The following DCAF16 variants were observed in gnomAD, a reference collection of about 807,000 sequenced individuals.
The protein encoded by DCAF16 is DDB1- and CUL4-associated factor 16.
Under a neutral mutation model 17.3 loss-of-function variants are expected in DCAF16, and 10 were observed. The ratio of observed to expected loss-of-function variants is 0.58; its 90% CI spans 0.36 to 0.98. DCAF16 has a LOEUF of 0.98. DCAF16 is among the 50% of genes least tolerant of loss of function. The pLI is 0.01. For missense variants in DCAF16, 249 were observed against 247.6 expected (o/e 1.01, Z -0.04); for synonymous variants, 111 against 92.8 (o/e 1.20, Z -1.12).
chr4:17,798,220 C>T (rs1469310531), downstream of DCAF16, among the ~76,000 whole-genome samples: 2 of 151,784 alleles, frequency 1.3e-5, no homozygotes, highest in East Asian at 3.9e-4. Context: ...TTTTATGATT[C>T]AACTTGAAAC....
chr4:17,796,347 AT>A (rs148186730), downstream of DCAF16, among the ~76,000 whole-genome samples: 3 of 151,840 alleles, frequency 2.0e-5, no homozygotes, highest in African/African-American at 4.8e-5. Context: ...CCTATCGAGT[AT>A]TTTTTGTTTT....
In DCAF16 at chr4:17,802,342, T is replaced by C. The variant is rs1372465231; in HGVS notation, c.*1149A>G. ...GGAAACACATTCCCTACAGAACAGGTGTTTGTTTAATCCCAAGGGATGATC... is the reference window on the plus strand; with the variant it reads ...GGAAACACATTCCCTACAGAACAGGCGTTTGTTTAATCCCAAGGGATGATC... On this transcript the variant is annotated 3_prime_UTR_variant, in exon 3 of 3. Coordinates refer to ENST00000382247, the MANE Select transcript of DCAF16 (RefSeq NM_017741.4). 1 of 152,296 alleles carries C rather than the reference T, an allele frequency of 6.6e-6. No homozygotes were observed. The highest frequency in any genetic ancestry group is 1.5e-5 in the Non-Finnish European group (1 of 67,974). 9.4% of individuals were successfully genotyped at this position (152,296 alleles called of 1,614,324 possible). A position where few individuals can be genotyped will look rare whatever the true frequency, so the allele number is the denominator to read the frequency against.
the DCAF16 span, among the ~76,000 whole-genome samples, chr4:17,794,527 A>C: frequency 6.6e-6 from 1 of 152,228 alleles, no homozygotes; most frequent in South Asian, 2.1e-4. Context: ...TACAGAGGCT[A>C]AAATTTAAAC....
At position 17,800,960 on chromosome 4, in the gene DCAF16, C is replaced by T. The variant is rs1719716941; in HGVS notation, c.*2531G>A. On this transcript the variant is annotated 3_prime_UTR_variant, in exon 3 of 3. Transcript: ENST00000382247. ...TTTCTGATACATTCAGTTACACTAA[C>T]AATATGATATGGTTTCAGGTCAATA... is the stretch of plus-strand genomic sequence containing the variant. 1 of 152,390 alleles carries T rather than the reference C, an allele frequency of 6.6e-6. No individual in the cohort carries two copies. Among genetic ancestry groups the T allele is most frequent in the Admixed American group, 6.6e-5 (1 of 15,266 alleles). The allele number at this position is 152,390 out of a possible 1,614,324, so 9.4% of individuals were successfully genotyped here.
At position 17,803,829 on chromosome 4, in the gene DCAF16, G is replaced by C. The variant is rs1720035129; in HGVS notation, c.313C>G (p.Pro105Ala). The C allele has an allele frequency of 6.2e-7, 1 of 1,614,130 alleles. No individual in the cohort carries two copies. The highest frequency in any genetic ancestry group is 8.5e-7 in the Non-Finnish European group (1 of 1,180,024). Residue 105 changes from proline (P) to alanine (A), a missense_variant, in exon 3 of 3, where the codon CCC becomes GCC. Physicochemically the swap from Pro to Ala is conservative, Grantham distance 27. Coordinates refer to ENST00000382247, the MANE Select transcript of DCAF16 (RefSeq NM_017741.4). Reference protein sequence around the residue: ...LRLSHCSHCVPKLEPIPEWPP... With the variant: ...LRLSHCSHCVAKLEPIPEWPP... ...CATTCAGGAATTGGTTCCAGTTTGG[G>C]GACACAATGGGAACAATGGGAGAGT...
In DCAF16 at chr4:17,804,293, GGCCCATACCACTGT is replaced by G. The variant is rs1434565584; in HGVS notation, c.-166_-153del. On this transcript the variant is annotated 5_prime_UTR_variant, in exon 3 of 3. It removes an upstream start codon present in the reference 5' UTR. Coordinates refer to ENST00000382247, the MANE Select transcript of DCAF16 (RefSeq NM_017741.4). ...CGTTACACACATAAAGTATGCTTGT[GGCCCATACCACTGT>G]GCCGTTCTTCAAGATTATGTTGTAT... 36 of 662,748 alleles carry G rather than the reference GGCCCATACCACTGT, an allele frequency of 5.4e-5. No homozygotes were observed. The Admixed American group carries it at 1.0e-3, about 19-fold the overall frequency. 41.1% of individuals were successfully genotyped at this position (662,748 alleles called of 1,614,324 possible). A position where few individuals can be genotyped will look rare whatever the true frequency, so the allele number is the denominator to read the frequency against.
chr4:17,799,428 T>C (rs1353169316), downstream of DCAF16, among the ~76,000 whole-genome samples: 1 of 152,242 alleles, frequency 6.6e-6, no homozygotes, highest in Admixed American at 6.5e-5. Flanking sequence ...AGTTTTGCAT[T>C]CCCAGTGTCT....
rs1720820597 is a variant in DCAF16 at position 17,810,548 on chromosome 4, C to A, written c.-851G>T. ...CGAACTTTCCTTTGTCGCCGTCTCT[C>A]GAAGCGGAGCCCTCGTGTGGGGATC... On this transcript the variant is annotated 5_prime_UTR_variant, in exon 1 of 3. Coordinates refer to ENST00000382247, the MANE Select transcript of DCAF16 (RefSeq NM_017741.4). 1 of 152,390 alleles carries A rather than the reference C, an allele frequency of 6.6e-6. No homozygotes were observed. Among genetic ancestry groups the A allele is most frequent in the African/African-American group, 2.4e-5 (1 of 41,494 alleles). The allele number at this position is 152,390 out of a possible 1,614,324, so 9.4% of individuals were successfully genotyped here. A position where few individuals can be genotyped will look rare whatever the true frequency, so the allele number is the denominator to read the frequency against.
At position 17,809,045 on chromosome 4, in the gene DCAF16, A is replaced by T. The variant is rs192612350; in HGVS notation, c.-750+1402T>A. ...CTCTGTCTCAAAATAAAAATAAAAA[A>T]ATATATATTAGAAACGTCACAAAGC... On this transcript the variant is annotated intron_variant, in intron 1 of 2. Transcript: ENST00000382247. Among the ~76,000 whole-genome samples, 27 of 152,270 alleles carry T rather than the reference A, an allele frequency of 1.8e-4. No homozygotes were observed. In the East Asian group the frequency reaches 4.6e-3, roughly 26 times the overall value.
downstream of DCAF16, among the ~76,000 whole-genome samples, chr4:17,796,447 A>T (rs1316562733): frequency 1.3e-5 from 2 of 152,184 alleles, no homozygotes; most frequent in African/African-American, 2.4e-5. Flanking sequence ...GCGGTGGCTC[A>T]CGCCTGTAAT....
At chr4:17,795,402 A>G in the DCAF16 span, among the ~76,000 whole-genome samples, 7 of 152,272 alleles carry the variant, frequency 4.6e-5, no homozygotes, top group Admixed American at 3.9e-4. Context: ...CTTTTAATTT[A>G]GAAGACTAAA....
At position 17,802,241 on chromosome 4, in the gene DCAF16, T is replaced by C. The variant is rs190163326; in HGVS notation, c.*1250A>G. 19 of 152,720 alleles carry C rather than the reference T, an allele frequency of 1.2e-4. No homozygotes were observed. The highest frequency in any genetic ancestry group is 2.4e-4 in the Non-Finnish European group (16 of 68,030). The allele number at this position is 152,720 out of a possible 1,614,324, so 9.5% of individuals were successfully genotyped here. On this transcript the variant is annotated 3_prime_UTR_variant, in exon 3 of 3. Transcript: ENST00000382247. ...TAGCAGTTAATGCTGAAAGCAGAAA[T>C]GCTCTCTTAATCATTTTTCCATTCA...
chr4:17,806,567 T>C (rs1720344912), intron 1 of DCAF16, among the ~76,000 whole-genome samples: 2 of 152,214 alleles, frequency 1.3e-5, no homozygotes, highest in African/African-American at 4.8e-5. Flanking sequence ...ATATAGATGA[T>C]AATTTAAAAT....
downstream of DCAF16, among the ~76,000 whole-genome samples, chr4:17,797,004 C>A (rs1164476182): frequency 6.6e-6 from 1 of 151,984 alleles, no homozygotes; most frequent in Non-Finnish European, 1.5e-5. Context: ...GCTCTGGTGC[C>A]CATGTTGGAG....
Position 17,804,549 on chromosome 4 carries a change from G to A in DCAF16, c.-408C>T, listed in dbSNP as rs1720126657. ...CACTTTTTGTGCTGTTTTGCTGGCA[G>A]TGATATTATATCTACTTGACAATCA... On this transcript the variant is annotated 5_prime_UTR_variant, in exon 3 of 3. Transcript: ENST00000382247. 5.1e-6 allele frequency: 1 copy of A among 197,126 alleles called. No individual in the cohort carries two copies. The highest frequency in any genetic ancestry group is 1.2e-5 in the Non-Finnish European group (1 of 86,270). The allele number at this position is 197,126 out of a possible 1,614,324, so 12.2% of individuals were successfully genotyped here.
Position 17,804,183 on chromosome 4 carries a change from T to A in DCAF16, c.-42A>T. ...AAGGAACCAGAAAAAGGTAATAATC[T>A]AAGCCAGCAGAACACTGACTAACAC... On this transcript the variant is annotated 5_prime_UTR_variant, in exon 3 of 3. Coordinates refer to ENST00000382247, the MANE Select transcript of DCAF16 (RefSeq NM_017741.4). The A allele has an allele frequency of 6.5e-7, 1 of 1,527,550 alleles. No homozygotes were observed. The allele number at this position is 1,527,550 out of a possible 1,614,324, so 94.6% of individuals were successfully genotyped here. A position where few individuals can be genotyped will look rare whatever the true frequency, so the allele number is the denominator to read the frequency against.
intron 1 of DCAF16, among the ~76,000 whole-genome samples, chr4:17,807,393 T>C (rs1720423226): frequency 6.6e-6 from 1 of 152,236 alleles, no homozygotes; most frequent in Non-Finnish European, 1.5e-5. Flanking sequence ...ATGATCACAT[T>C]ATGCTATCAG....
Position 17,803,417 on chromosome 4 carries a change from G to T in DCAF16, c.*74C>A. 7.3e-7 allele frequency: 1 copy of T among 1,372,478 alleles called. No individual in the cohort carries two copies. Among genetic ancestry groups the T allele is most frequent in the South Asian group, 1.3e-5 (1 of 77,016 alleles). 85.0% of individuals were successfully genotyped at this position (1,372,478 alleles called of 1,614,324 possible). A position where few individuals can be genotyped will look rare whatever the true frequency, so the allele number is the denominator to read the frequency against. ...GAGTTTGACTGAGAAGGCATTAGTGGGCTGTGTAATGACTAACTTTGTACC... is the reference window on the plus strand; with the variant it reads ...GAGTTTGACTGAGAAGGCATTAGTGTGCTGTGTAATGACTAACTTTGTACC... On this transcript the variant is annotated 3_prime_UTR_variant, in exon 3 of 3. Transcript: ENST00000382247.
the DCAF16 span, among the ~76,000 whole-genome samples, chr4:17,795,408 C>T: frequency 6.6e-6 from 1 of 152,074 alleles, no homozygotes; most frequent in Non-Finnish European, 1.5e-5. Context: ...ATTTAGAAGA[C>T]TAAAGTCTTA....
Sources: allele counts gnomAD v4.1 joint callset (sites outside exome capture counted in the v4.1 genomes callset), GRCh38; gene constraint gnomAD v4.1.1; transcripts MANE v1.5; gene names NCBI Gene and HGNC (gene_info 2026-07-23, HGNC 2026-07-21).